The following CNTN6 variants were observed in gnomAD, a reference collection of about 807,000 sequenced individuals.
The protein encoded by CNTN6 is contactin-6.
Under a neutral mutation model 122.8 loss-of-function variants are expected in CNTN6, and 137 were observed. That is an observed-to-expected ratio of 1.12 (90% CI 0.97 to 1.29). The LOEUF (loss-of-function observed/expected upper bound fraction) is 1.29. Among genes scored for constraint, CNTN6 ranks in the 50% most tolerant of loss-of-function variants. CNTN6 has a pLI of 0.00. For synonymous variants in CNTN6, 570 were observed against 426.0 expected (o/e 1.34, Z -4.16); for missense variants, 1,634 against 1,223.4 (o/e 1.34, Z -5.01).
At chr3:1,202,606 A>C (rs2093901031) in intron 2 of CNTN6, among the ~76,000 whole-genome samples, 1 of 151,762 alleles carries the variant, frequency 6.6e-6, no homozygotes, top group Non-Finnish European at 1.5e-5. Context: ...AATAAAATAA[A>C]ATTTTTACAA....
chr3:1,210,198 A>T (rs2094014872), intron 2 of CNTN6, among the ~76,000 whole-genome samples: 1 of 152,162 alleles, frequency 6.6e-6, no homozygotes, highest in Non-Finnish European at 1.5e-5. Flanking sequence ...GTCTGCCTCT[A>T]GTTCTTAAGT....
At chr3:1,299,152 A>G (rs1696782374) in intron 7 of CNTN6, among the ~76,000 whole-genome samples, 1 of 152,180 alleles carries the variant, frequency 6.6e-6, no homozygotes, top group Non-Finnish European at 1.5e-5. Context: ...GTCTCATAGC[A>G]TTTATCAAAT....
At chr3:1,211,130 G>T (rs1034573719) in intron 2 of CNTN6, among the ~76,000 whole-genome samples, 6 of 152,136 alleles carry the variant, frequency 3.9e-5, no homozygotes, top group Non-Finnish European at 5.9e-5. Context: ...AGACTTCTGC[G>T]GTAGAAGATA....
intron 1 of CNTN6, among the ~76,000 whole-genome samples, chr3:1,125,212 C>T (rs1487846076): frequency 1.3e-5 from 2 of 151,822 alleles, no homozygotes; most frequent in Admixed American, 6.6e-5. Flanking sequence ...TCTGTCTTGG[C>T]CCTAATTGAC....
intron 20 of CNTN6, among the ~76,000 whole-genome samples, chr3:1,392,278 C>T (rs1302791286): frequency 6.7e-6 from 1 of 148,662 alleles, no homozygotes; most frequent in Admixed American, 6.7e-5. Flanking sequence ...TGATCTTTGA[C>T]AAACCTGAGA....
At chr3:1,114,962 A>G (rs2091650192) in intron 1 of CNTN6, among the ~76,000 whole-genome samples, 1 of 152,138 alleles carries the variant, frequency 6.6e-6, no homozygotes, top group Non-Finnish European at 1.5e-5. Flanking sequence ...AACCTAAAAT[A>G]GAGGGCTCAT....
chr3:1,332,057 A>G lies in CNTN6; in HGVS notation c.1364+2122A>G, dbSNP rs531505004. On this transcript the variant is annotated intron_variant, in intron 11 of 22. Coordinates refer to ENST00000446702, the MANE Select transcript of CNTN6 (RefSeq NM_001289080.2). Reference sequence around the variant, plus strand: ...AGTTCTATTTATACATTATTCTTTCATTCTATCTTTTCATTGCTTCAGGGT... The same window carrying G: ...AGTTCTATTTATACATTATTCTTTCGTTCTATCTTTTCATTGCTTCAGGGT... Among the ~76,000 whole-genome samples, 3 of 152,072 alleles carry G rather than the reference A, an allele frequency of 2.0e-5. No individual in the cohort carries two copies. The South Asian group carries it at 6.2e-4, about 32-fold the overall frequency.
At chr3:1,172,785 G>A (rs533920350) in intron 2 of CNTN6, among the ~76,000 whole-genome samples, 152 of 152,234 alleles carry the variant, frequency 1.0e-3, no homozygotes, top group African/African-American at 3.6e-3. Context: ...TCATATACAC[G>A]AGAGCAAAGG....
At chr3:1,290,263 C>T (rs925854747) in intron 5 of CNTN6, among the ~76,000 whole-genome samples, 3 of 152,184 alleles carry the variant, frequency 2.0e-5, no homozygotes, top group Non-Finnish European at 4.4e-5. Context: ...AAGTACTTTA[C>T]AGTAATTTCA....
intron 1 of CNTN6, among the ~76,000 whole-genome samples, chr3:1,141,693 T>G (rs553480234): frequency 1.3e-5 from 2 of 152,286 alleles, no homozygotes; most frequent in East Asian, 3.9e-4. Flanking sequence ...TCCAAGTCCA[T>G]GTAACCTAGA....
intron 16 of CNTN6, 106 bp downstream of exon 16, chr3:1,374,179 G>T: frequency 8.4e-7 from 1 of 1,193,748 alleles, no homozygotes; most frequent in Non-Finnish European, 1.1e-6. Flanking sequence ...GCTCAAAATT[G>T]TTTGGCAGTA....
intron 4 of CNTN6, among the ~76,000 whole-genome samples, chr3:1,271,217 C>T (rs1334784993): frequency 1.3e-5 from 2 of 152,124 alleles, no homozygotes; most frequent in African/African-American, 2.4e-5. Flanking sequence ...ATTTCCTTTA[C>T]TTATTACCTG....
chr3:1,273,720 G>T (rs1193748408), intron 4 of CNTN6, among the ~76,000 whole-genome samples: 1 of 152,182 alleles, frequency 6.6e-6, no homozygotes, highest in African/African-American at 2.4e-5. Flanking sequence ...TAGCTAACAG[G>T]ACTTGTGTGA....
chr3:1,232,944 T>G (rs137869189), intron 4 of CNTN6, among the ~76,000 whole-genome samples: 1 of 152,170 alleles, frequency 6.6e-6, no homozygotes, highest in Non-Finnish European at 1.5e-5. Context: ...GTGTGAACAA[T>G]CTTCAAGTAT....
chr3:1,266,655 C>G lies in CNTN6; in HGVS notation c.359-11758C>G, dbSNP rs538125753. On this transcript the variant is annotated intron_variant, in intron 4 of 22. Transcript: ENST00000446702. ...TGAATAAAAGGGCTTATTAAGGGCT[C>G]TGTCTATGAAGGACCATAGCAGGTA... Among the ~76,000 whole-genome samples, 4 of 152,314 alleles carry G rather than the reference C, an allele frequency of 2.6e-5. No individual in the cohort carries two copies. In the East Asian group the frequency reaches 5.8e-4, roughly 22 times the overall value.
intron 7 of CNTN6, among the ~76,000 whole-genome samples, chr3:1,306,743 A>T (rs1482223163): frequency 6.6e-6 from 1 of 152,192 alleles, no homozygotes; most frequent in African/African-American, 2.4e-5. Context: ...GGCATTAAAT[A>T]GTAACTACTT....
intron 4 of CNTN6, among the ~76,000 whole-genome samples, chr3:1,269,085 A>G (rs1476575138): frequency 1.3e-5 from 2 of 152,162 alleles, no homozygotes; most frequent in African/African-American, 4.8e-5. Context: ...CTCACATCAT[A>G]TATTTTGTAC....
intron 12 of CNTN6, among the ~76,000 whole-genome samples, chr3:1,356,786 A>C (rs1376398520): frequency 2.0e-5 from 3 of 152,024 alleles, no homozygotes; most frequent in African/African-American, 7.2e-5. Flanking sequence ...TTTAAAAATT[A>C]GTGATGGTAA....
rs28488630 is a variant in CNTN6 at position 1,386,663 on chromosome 3, C to G, written c.2704+866C>G. Among the ~76,000 whole-genome samples the G allele has an allele frequency of 7.2e-3, 1,091 of 152,078 alleles. 12 individuals carry two copies. Among genetic ancestry groups the G allele is most frequent in the African/African-American group, 0.025 (1,036 of 41,482 alleles). ...ATTCCTTATATATTATTAATGAACA[C>G]AAATTATTCATAAAATCAGACTTTT... On this transcript the variant is annotated intron_variant, in intron 20 of 22. Transcript: ENST00000446702.
Sources: gnomAD v4.1 joint callset for allele counts (sites outside exome capture counted in the v4.1 genomes callset) on GRCh38, gnomAD v4.1.1 for gene constraint, MANE v1.5 for transcripts, NCBI Gene and HGNC (gene_info 2026-07-23, HGNC 2026-07-21) for gene names.